The following CAMKMT variants were observed in gnomAD, a reference collection of about 807,000 sequenced individuals.
CAMKMT encodes the protein CaM KMT.
CAMKMT carries 53 observed loss-of-function variants against 48.0 expected under a neutral mutation model. The ratio of observed to expected loss-of-function variants is 1.10; its 90% CI spans 0.89 to 1.39. CAMKMT has a LOEUF of 1.39. CAMKMT is among the 40% of genes most tolerant of loss of function. The pLI, the probability that CAMKMT is intolerant of heterozygous loss-of-function variation, is 0.00. For synonymous variants in CAMKMT, 165 were observed against 152.3 expected (o/e 1.08, Z -0.61); for missense variants, 428 against 402.7 (o/e 1.06, Z -0.54).
intron 3 of CAMKMT, among the ~76,000 whole-genome samples, chr2:44,474,211 C>T (rs866463320): frequency 3.3e-5 from 5 of 151,890 alleles, no homozygotes; most frequent in South Asian, 2.1e-4. Context: ...TTTGGGAGGC[C>T]GAGGCAGGCG....
intron 3 of CAMKMT, among the ~76,000 whole-genome samples, chr2:44,579,391 A>G (rs557614606): frequency 2.6e-5 from 4 of 152,218 alleles, no homozygotes; most frequent in African/African-American, 4.8e-5. Flanking sequence ...TACAGGTCCA[A>G]TTTCAGCACC....
chr2:44,490,149 A>G (rs1420000683), intron 3 of CAMKMT, among the ~76,000 whole-genome samples: 3 of 152,212 alleles, frequency 2.0e-5, no homozygotes, highest in Non-Finnish European at 2.9e-5. Flanking sequence ...GTTAGAAATA[A>G]AAGGAAAAAT....
At chr2:44,449,786 T>G (rs1215525114) in intron 3 of CAMKMT, among the ~76,000 whole-genome samples, 1 of 152,156 alleles carries the variant, frequency 6.6e-6, no homozygotes, top group Non-Finnish European at 1.5e-5. Context: ...GTAAAAGGGA[T>G]TCTGATATTT....
At chr2:44,640,985 G>A (rs547490343) in intron 3 of CAMKMT, among the ~76,000 whole-genome samples, 8 of 152,128 alleles carry the variant, frequency 5.3e-5, no homozygotes, top group Non-Finnish European at 1.0e-4. Context: ...TGGTTCCAGC[G>A]TCATGAAGTG....
intron 3 of CAMKMT, among the ~76,000 whole-genome samples, chr2:44,448,964 G>C (rs1245761314): frequency 6.6e-6 from 1 of 152,160 alleles, no homozygotes; most frequent in East Asian, 1.9e-4. Context: ...TAGATTAGTA[G>C]TTGCCTCGTG....
chr2:44,771,899 G>A, intron 10 of CAMKMT, 137 bp from the exon 11 acceptor site: 1 of 602,840 alleles, frequency 1.7e-6, no homozygotes, highest in Non-Finnish European at 2.9e-6. Flanking sequence ...ACTACTTTGA[G>A]TTGCTTTTCT....
intron 3 of CAMKMT, among the ~76,000 whole-genome samples, chr2:44,523,241 T>G (rs1001434114): frequency 6.6e-6 from 1 of 151,926 alleles, no homozygotes. Context: ...CAGGCATGTC[T>G]CTTCTCTGCT....
intron 3 of CAMKMT, among the ~76,000 whole-genome samples, chr2:44,640,397 C>G (rs1206419103): frequency 6.6e-6 from 1 of 152,106 alleles, no homozygotes; most frequent in Non-Finnish European, 1.5e-5. Flanking sequence ...TCTCCAGGTG[C>G]AAAACATAGG....
intron 3 of CAMKMT, among the ~76,000 whole-genome samples, chr2:44,593,785 C>T (rs369315796): frequency 9.1e-4 from 35 of 38,514 alleles, no homozygotes; most frequent in African/African-American, 3.4e-3. Flanking sequence ...TTTTTTGAGG[C>T]GGAATTTTGA....
chr2:44,762,557 A>G (rs1680662290), intron 9 of CAMKMT, among the ~76,000 whole-genome samples: 1 of 152,226 alleles, frequency 6.6e-6, no homozygotes, highest in Non-Finnish European at 1.5e-5. Context: ...CTAATGTTAA[A>G]TGACAAGTTA....
At chr2:44,591,477 G>A (rs1229301179) in intron 3 of CAMKMT, among the ~76,000 whole-genome samples, 2 of 152,180 alleles carry the variant, frequency 1.3e-5, no homozygotes, top group East Asian at 3.9e-4. Flanking sequence ...CACGTCCCTT[G>A]TAAGTTGGAT....
At chr2:44,456,467 T>C in intron 3 of CAMKMT, 1 of 1,397,502 alleles carries the variant, frequency 7.2e-7, no homozygotes, top group Non-Finnish European at 9.7e-7. Flanking sequence ...TATATAAATA[T>C]GTACATTCTT....
chr2:44,407,092 G>A (rs1682833190), intron 3 of CAMKMT, among the ~76,000 whole-genome samples: 1 of 152,202 alleles, frequency 6.6e-6, no homozygotes, highest in South Asian at 2.1e-4. Context: ...AGGAGATTAA[G>A]TCAATTTAGG....
At chr2:44,405,800 A>G (rs1682736988) in intron 3 of CAMKMT, among the ~76,000 whole-genome samples, 1 of 152,156 alleles carries the variant, frequency 6.6e-6, no homozygotes, top group South Asian at 2.1e-4. Context: ...AGAAACATAA[A>G]TGGATTGATA....
At chr2:44,665,468 C>A (rs963905943) in intron 3 of CAMKMT, among the ~76,000 whole-genome samples, 2 of 152,088 alleles carry the variant, frequency 1.3e-5, no homozygotes, top group African/African-American at 4.8e-5. Flanking sequence ...TATATTGAGG[C>A]CATATTGTAG....
chr2:44,498,821 G>A (rs1236656680), intron 3 of CAMKMT, among the ~76,000 whole-genome samples: 2 of 152,110 alleles, frequency 1.3e-5, no homozygotes, highest in African/African-American at 4.8e-5. Flanking sequence ...TTAATTATTG[G>A]CCAATATTCC....
chr2:44,436,000 C>T (rs1666221729), intron 3 of CAMKMT, among the ~76,000 whole-genome samples: 1 of 152,186 alleles, frequency 6.6e-6, no homozygotes, highest in Non-Finnish European at 1.5e-5. Context: ...AACAAAGGCT[C>T]TGTGAGGTTA....
chr2:44,539,926 T>C (rs1164697058), intron 3 of CAMKMT, among the ~76,000 whole-genome samples: 1 of 152,172 alleles, frequency 6.6e-6, no homozygotes, highest in East Asian at 1.9e-4. Flanking sequence ...TTTTCCAGTG[T>C]AAAGTTACTG....
chr2:44,555,689 C>T (rs901712286), intron 3 of CAMKMT, among the ~76,000 whole-genome samples: 10 of 151,992 alleles, frequency 6.6e-5, no homozygotes, highest in Admixed American at 3.9e-4. Flanking sequence ...GGATAGATTC[C>T]TGGTGATCAC....
Sources: gnomAD v4.1 joint callset for allele counts (sites outside exome capture counted in the v4.1 genomes callset) on GRCh38, gnomAD v4.1.1 for gene constraint, MANE v1.5 for transcripts, NCBI Gene and HGNC (gene_info 2026-07-23, HGNC 2026-07-21) for gene names.